Variants in VTA1 observed in about 807,000 individuals in gnomAD.
The protein encoded by VTA1 is vacuolar protein sorting-associated protein VTA1 homolog.
Under a neutral mutation model 36.9 loss-of-function variants are expected in VTA1, and 24 were observed. That is an observed-to-expected ratio of 0.65 (90% CI 0.47 to 0.91). The LOEUF is 0.91. VTA1 is among the 40% of genes least tolerant of loss of function. The probability of loss-of-function intolerance (pLI) is 0.00; values close to 1 mark genes in which losing one functional copy is unlikely to be tolerated. For synonymous variants in VTA1, 142 were observed against 130.2 expected (o/e 1.09, Z -0.62); for missense variants, 393 against 377.2 (o/e 1.04, Z -0.35).
intron 1 of VTA1, among the ~76,000 whole-genome samples, chr6:142,152,680 A>C (rs796426130): frequency 2.6e-5 from 4 of 152,306 alleles, no homozygotes; most frequent in African/African-American, 9.6e-5. Flanking sequence ...TTTAGATGTC[A>C]ATATTTGATG....
At chr6:142,195,525 G>T (rs1385573971) in intron 5 of VTA1, among the ~76,000 whole-genome samples, 2 of 146,442 alleles carry the variant, frequency 1.4e-5, no homozygotes, top group East Asian at 4.0e-4. Context: ...CAAGTACTTA[G>T]TACAGTTTTT....
intron 7 of VTA1, among the ~76,000 whole-genome samples, chr6:142,205,020 A>G (rs184541988): frequency 2.0e-5 from 3 of 152,232 alleles, no homozygotes; most frequent in Admixed American, 2.0e-4. Context: ...CACCGTGCCC[A>G]GCCATTTATT....
At chr6:142,181,256 C>T (rs558355210) in intron 4 of VTA1, among the ~76,000 whole-genome samples, 1 of 147,064 alleles carries the variant, frequency 6.8e-6, no homozygotes, top group South Asian at 2.1e-4. Flanking sequence ...GCCTCAGCCT[C>T]CTGAGTAGCT....
chr6:142,217,425 CTT>C (rs1013172508), intron 7 of VTA1, among the ~76,000 whole-genome samples: 3 of 151,978 alleles, frequency 2.0e-5, no homozygotes, highest in African/African-American at 7.3e-5. Context: ...TTTCAGTACT[CTT>C]TTTGAAAATT....
intron 4 of VTA1, among the ~76,000 whole-genome samples, chr6:142,181,101 A>G (rs1309861878): frequency 9.5e-6 from 1 of 105,468 alleles, no homozygotes; most frequent in Non-Finnish European, 2.0e-5. Context: ...AAAAATATAT[A>G]TATATATATA....
intron 1 of VTA1, among the ~76,000 whole-genome samples, chr6:142,164,174 G>GT (rs1387313710): frequency 6.6e-6 from 1 of 152,138 alleles, no homozygotes; most frequent in African/African-American, 2.4e-5. Context: ...TGGCAATACA[G>GT]TAAGATACAG....
intron 1 of VTA1, among the ~76,000 whole-genome samples, chr6:142,147,638 C>G (rs1251259802): frequency 6.6e-6 from 1 of 152,230 alleles, no homozygotes; most frequent in African/African-American, 2.4e-5. Context: ...ACTACACAGG[C>G]TCTTGAACTG....
Position 142,170,381 on chromosome 6 carries a change from TGATA to T in VTA1, c.375_378del (p.Ile125MetfsTer3). On this transcript the variant is annotated frameshift_variant, in exon 4 of 8. Coordinates refer to ENST00000367630, the MANE Select transcript of VTA1 (RefSeq NM_016485.5). LOFTEE classifies it high-confidence loss of function. Reference sequence around the variant, plus strand: ...AAGTCCTTCTATACTGCAAGTCTTTTGATAGATGTCATAACAGTATTTGGAGAAC... The same window carrying T: ...AAGTCCTTCTATACTGCAAGTCTTTTGATGTCATAACAGTATTTGGAGAAC... 1 of 1,609,210 alleles carries T rather than the reference TGATA, an allele frequency of 6.2e-7. No individual in the cohort carries two copies. The highest frequency in any genetic ancestry group is 8.5e-7 in the Non-Finnish European group (1 of 1,177,978).
At chr6:142,198,380 T>C in intron 5 of VTA1, 59 bp from the exon 6 acceptor site, 5 of 1,502,710 alleles carry the variant, frequency 3.3e-6, no homozygotes, top group Non-Finnish European at 4.5e-6. Context: ...GAAATAAGAA[T>C]ACCTAGCACT....
chr6:142,180,250 T>A (rs908756203), intron 4 of VTA1, among the ~76,000 whole-genome samples: 3 of 152,148 alleles, frequency 2.0e-5, no homozygotes, highest in Non-Finnish European at 4.4e-5. Flanking sequence ...GACCTTCTTG[T>A]GACAGAAAGG....
At chr6:142,181,116 T>TATATATATATATACAC (rs753996612) in intron 4 of VTA1, among the ~76,000 whole-genome samples, 15 of 87,064 alleles carry the variant, frequency 1.7e-4, no homozygotes, top group Non-Finnish European at 2.2e-4. Context: ...TATATATATA[T>TATATATATATATACAC]ACACACACAC....
intron 1 of VTA1, among the ~76,000 whole-genome samples, 190 bp from the exon 2 acceptor site, chr6:142,166,038 T>C (rs763610976): frequency 1.3e-4 from 20 of 152,006 alleles, no homozygotes; most frequent in Non-Finnish European, 2.5e-4. Context: ...TAAAAAAATT[T>C]ATCATGAATG....
At chr6:142,192,187 A>G (rs760178179) in intron 5 of VTA1, among the ~76,000 whole-genome samples, 2 of 152,100 alleles carry the variant, frequency 1.3e-5, no homozygotes, top group South Asian at 2.1e-4. Flanking sequence ...TATGCATTCA[A>G]TAGAAACTGT....
chr6:142,165,900 A>G (rs977557613), intron 1 of VTA1, among the ~76,000 whole-genome samples: 1 of 151,706 alleles, frequency 6.6e-6, no homozygotes, highest in African/African-American at 2.4e-5. Context: ...GTGCTCTTGT[A>G]CATATGGTTG....
At chr6:142,214,304 C>T (rs1044034366) in intron 7 of VTA1, among the ~76,000 whole-genome samples, 7 of 152,200 alleles carry the variant, frequency 4.6e-5, no homozygotes, top group African/African-American at 1.7e-4. Context: ...TTCCTCATCT[C>T]CATCTGAAAC....
chr6:142,160,886 T>C (rs1199551082), intron 1 of VTA1, among the ~76,000 whole-genome samples: 1 of 152,178 alleles, frequency 6.6e-6, no homozygotes, highest in African/African-American at 2.4e-5. Flanking sequence ...ATCTTTTTAT[T>C]CTTTGGACAA....
At chr6:142,201,773 T>C (rs1775690194) in intron 6 of VTA1, among the ~76,000 whole-genome samples, 1 of 151,946 alleles carries the variant, frequency 6.6e-6, no homozygotes, top group Non-Finnish European at 1.5e-5. Context: ...CTCAACCCTG[T>C]TTCTCATGAT....
intron 1 of VTA1, among the ~76,000 whole-genome samples, chr6:142,149,526 A>G (rs1397658415): frequency 2.0e-5 from 3 of 152,164 alleles, no homozygotes. Flanking sequence ...TTAATTAACC[A>G]TTTGTGATTC....
intron 4 of VTA1, among the ~76,000 whole-genome samples, chr6:142,188,544 G>A (rs375578827): frequency 6.6e-5 from 10 of 152,086 alleles, no homozygotes; most frequent in East Asian, 5.8e-4. Context: ...GCTCTGGAAC[G>A]CTAATGTGCG....
Sources: gnomAD v4.1 joint callset for allele counts (sites outside exome capture counted in the v4.1 genomes callset) on GRCh38, gnomAD v4.1.1 for gene constraint, MANE v1.5 for transcripts, NCBI Gene and HGNC (gene_info 2026-07-23, HGNC 2026-07-21) for gene names.